The following MAP3K4 variants were observed in gnomAD, a reference collection of about 807,000 sequenced individuals.
The protein encoded by MAP3K4 is mitogen-activated protein kinase kinase kinase 4.
A neutral mutation model predicts 185.6 loss-of-function variants in MAP3K4; 67 were observed. The ratio of observed to expected loss-of-function variants is 0.36; its 90% CI spans 0.30 to 0.44. MAP3K4 has a LOEUF of 0.44. Among genes scored for constraint, MAP3K4 ranks in the 20% least tolerant of loss-of-function variants. The pLI, the probability that MAP3K4 is intolerant of heterozygous loss-of-function variation, is 1.00. For missense variants in MAP3K4, 1,551 were observed against 1,995.1 expected, an observed-to-expected ratio of 0.78 and a Z score of 4.24; for synonymous variants, 702 against 710.4, an observed-to-expected ratio of 0.99 and a Z score of 0.19.
intron 6 of MAP3K4, among the ~76,000 whole-genome samples, chr6:161,081,413 C>A (rs117189174): frequency 6.6e-6 from 1 of 152,038 alleles, no homozygotes; most frequent in African/African-American, 2.4e-5. Flanking sequence ...ACTCTTTTTC[C>A]CCCTAATAAA....
At chr6:161,083,664 C>A (rs1785563455) in intron 6 of MAP3K4, among the ~76,000 whole-genome samples, 2 of 152,114 alleles carry the variant, frequency 1.3e-5, no homozygotes, top group African/African-American at 4.8e-5. Context: ...GCTTTTTAAT[C>A]ATATTTATTG....
At chr6:161,092,273 G>GT (rs1027532965) in intron 13 of MAP3K4, 130 bp downstream of exon 13, 549 of 1,007,406 alleles carry the variant, frequency 5.4e-4, no homozygotes, top group Non-Finnish European at 6.3e-4. Context: ...CGGTGATCAG[G>GT]TTTTTTTTAA....
intron 11 of MAP3K4, among the ~76,000 whole-genome samples, chr6:161,090,164 G>A (rs762912588): frequency 1.3e-5 from 2 of 152,148 alleles, no homozygotes; most frequent in Admixed American, 6.5e-5. Flanking sequence ...TGATTTGTCT[G>A]ATTTATCTAT....
intron 3 of MAP3K4, among the ~76,000 whole-genome samples, chr6:161,068,854 TGAA>T (rs1220110127): frequency 5.3e-5 from 8 of 152,190 alleles, no homozygotes; most frequent in Admixed American, 1.3e-4. Context: ...GGAATCATCT[TGAA>T]GAAGATAATA....
Position 161,108,858 on chromosome 6 carries a change from G to C in MAP3K4, c.4235G>C (p.Arg1412Thr), listed in dbSNP as rs1463459436. The C allele has an allele frequency of 6.2e-7, 1 of 1,611,784 alleles. No individual in the cohort carries two copies. Among genetic ancestry groups the C allele is most frequent in the Non-Finnish European group, 8.5e-7 (1 of 1,177,972 alleles). Reference protein sequence around the residue: ...LVRYFGVELHREEMYIFMEYC... With the variant: ...LVRYFGVELHTEEMYIFMEYC... ...CGGTATTTTGGTGTGGAGCTCCATAGAGTAAGCCGACCCTAATGCCACTCT... is the reference window on the plus strand; with the variant it reads ...CGGTATTTTGGTGTGGAGCTCCATACAGTAAGCCGACCCTAATGCCACTCT... The change falls in exon 22 of 27, where the codon AGA (arginine) becomes ACA (threonine). Residue 1412 changes from arginine (R) to threonine (T), a missense_variant and splice_region_variant. Arg to Thr is a moderately conservative substitution (Grantham distance 71). This residue lies in a region of MAP3K4 where 159 missense variants were observed against 300.5 expected (regional missense o/e 0.53). Coordinates refer to ENST00000392142, the MANE Select transcript of MAP3K4 (RefSeq NM_005922.4). The surrounding 1 kb of genome is among the most constrained non-coding windows in gnomAD (Gnocchi z 5.7).
rs376419999 is a variant in MAP3K4, at chr6:161,106,729, G to T, written c.4048+24G>T. 1 of 1,573,818 alleles carries T rather than the reference G, an allele frequency of 6.4e-7. No homozygotes were observed. Among genetic ancestry groups the T allele is most frequent in the African/African-American group, 1.4e-5 (1 of 73,956 alleles). On this transcript the variant is annotated intron_variant, in intron 20 of 26. Transcript: ENST00000392142. The surrounding 1 kb of genome is among the most constrained non-coding windows in gnomAD (Gnocchi z 4.9). ...TGGTAAGGAAATTAAGGAGCATGAT[G>T]TCAAGATAGTCCCTGTTAGAAGTAG...
intron 1 of MAP3K4, among the ~76,000 whole-genome samples, chr6:161,010,966 AACTGT>A (rs748069442): frequency 1.1e-4 from 16 of 152,196 alleles, no homozygotes; most frequent in Admixed American, 2.0e-4. Context: ...CTGAAGAAAG[AACTGT>A]ACCACCTCTG....
At chr6:161,039,494 G>T (rs554313452) in intron 2 of MAP3K4, among the ~76,000 whole-genome samples, 124 of 152,168 alleles carry the variant, frequency 8.1e-4, no homozygotes, top group African/African-American at 2.8e-3. Context: ...TCATGTATTT[G>T]TTTTTTATAA....
rs1778259333 is a variant in MAP3K4 at position 161,109,662 on chromosome 6, T to C, written c.4237-93T>C. ...GTATACCGTTAGAAAGAACATTCCT[T>C]TGGGGTGTGGCCTAGGAAGTTTTCC... On this transcript the variant is annotated intron_variant, in intron 22 of 26. Transcript: ENST00000392142. This position sits in a 1 kb window ranked among gnomAD's most constrained non-coding sequence, Gnocchi z 5.7. 1 of 1,242,748 alleles carries C rather than the reference T, an allele frequency of 8.0e-7. No homozygotes were observed. Among genetic ancestry groups the C allele is most frequent in the Non-Finnish European group, 1.2e-6 (1 of 858,300 alleles). The allele number at this position is 1,242,748 out of a possible 1,614,324, so 77.0% of individuals were successfully genotyped here. A position where few individuals can be genotyped will look rare whatever the true frequency, so the allele number is the denominator to read the frequency against.
rs1410051827 is a variant in MAP3K4, at chr6:161,076,423, CT to C, written c.2097+2814del. Among the ~76,000 whole-genome samples the C allele has an allele frequency of 6.6e-6, 1 of 152,162 alleles. No homozygotes were observed. Among genetic ancestry groups the C allele is most frequent in the African/African-American group, 2.4e-5 (1 of 41,438 alleles). ...TGCAGAAATTCTGTGACCTTGGGGG[CT>C]TTACTCTGCGTTAGGACATCCACTG... On this transcript the variant is annotated intron_variant, in intron 5 of 26. Transcript: ENST00000392142. The surrounding 1 kb of genome is among the most constrained non-coding windows in gnomAD (Gnocchi z 4.2).
In MAP3K4 at chr6:161,069,672, C is replaced by T. The variant is rs769367282; in HGVS notation, c.1708-936C>T. On this transcript the variant is annotated intron_variant, in intron 3 of 26. Coordinates refer to ENST00000392142, the MANE Select transcript of MAP3K4 (RefSeq NM_005922.4). The stretch of plus-strand genomic sequence containing the variant: ...CTGTAATCAGTGCCAGGCGTGGGGA[C>T]GGTCCTTTTAGTATAGTGGTAAGGA... 5.3e-5 allele frequency among the ~76,000 whole-genome samples: 8 copies of T among 152,092 alleles called. No individual in the cohort carries two copies. In the South Asian group the frequency reaches 6.2e-4, roughly 12 times the overall value.
At chr6:161,047,149 T>A (rs1783768189) in intron 2 of MAP3K4, among the ~76,000 whole-genome samples, 1 of 143,548 alleles carries the variant, frequency 7.0e-6, no homozygotes, top group Non-Finnish European at 1.5e-5. Flanking sequence ...TATATATGTT[T>A]AAAAAAATGG....
Position 161,108,955 on chromosome 6 carries a change from C to T in MAP3K4, c.4236+96C>T, listed in dbSNP as rs754584993. Reference sequence around the variant, plus strand: ...TCACAGGTCTTCTCATTTCAGAGCACAGTAACTTTGCCTAATTCTCAGGAA... The same window carrying T: ...TCACAGGTCTTCTCATTTCAGAGCATAGTAACTTTGCCTAATTCTCAGGAA... On this transcript the variant is annotated intron_variant, in intron 22 of 26. Transcript: ENST00000392142. This position sits in a 1 kb window ranked among gnomAD's most constrained non-coding sequence, Gnocchi z 5.7. The T allele has an allele frequency of 2.5e-6, 4 of 1,610,998 alleles. No homozygotes were observed. In the South Asian group the frequency reaches 4.4e-5, roughly 18 times the overall value.
At chr6:161,033,739 G>A (rs1384768720) in intron 1 of MAP3K4, among the ~76,000 whole-genome samples, 1 of 152,132 alleles carries the variant, frequency 6.6e-6, no homozygotes, top group East Asian at 1.9e-4. Context: ...GGTACTTCGT[G>A]CTTTGCTGTG....
intron 1 of MAP3K4, among the ~76,000 whole-genome samples, chr6:161,016,414 C>T (rs1782115641): frequency 6.6e-6 from 1 of 152,130 alleles, no homozygotes; most frequent in African/African-American, 2.4e-5. Context: ...ATATCTAAGA[C>T]CTCATTGACA....
chr6:161,009,168 AG>A (rs1445175852), intron 1 of MAP3K4, among the ~76,000 whole-genome samples: 2 of 151,972 alleles, frequency 1.3e-5, no homozygotes, highest in African/African-American at 4.8e-5. Flanking sequence ...TATTTTTAGT[AG>A]AGACGGGGTT....
rs1288280271 is a variant in MAP3K4, at chr6:161,043,985, A to G, written c.344-4631A>G. 6.6e-6 allele frequency among the ~76,000 whole-genome samples: 1 copy of G among 152,266 alleles called. No homozygotes were observed. Among genetic ancestry groups the G allele is most frequent in the Non-Finnish European group, 1.5e-5 (1 of 68,042 alleles). The stretch of plus-strand genomic sequence containing the variant: ...ATTCTAAAGAGCCATTTTTAGTTGT[A>G]GATGGTGGGAATTCATTTGTTTGTC... On this transcript the variant is annotated intron_variant, in intron 2 of 26. Coordinates refer to ENST00000392142, the MANE Select transcript of MAP3K4 (RefSeq NM_005922.4). The surrounding 1 kb of genome is among the most constrained non-coding windows in gnomAD (Gnocchi z 4.3).
Position 161,088,064 on chromosome 6 carries a change from A to G in MAP3K4, c.2823+110A>G, listed in dbSNP as rs1196196710. On this transcript the variant is annotated intron_variant, in intron 10 of 26. Coordinates refer to ENST00000392142, the MANE Select transcript of MAP3K4 (RefSeq NM_005922.4). The surrounding 1 kb of genome is among the most constrained non-coding windows in gnomAD (Gnocchi z 4.5). Reference sequence around the variant, plus strand: ...TTTGACTACCCTAGTAATCACAAGTATATACTTCCCAAAAATATGCCTCAA... The same window carrying G: ...TTTGACTACCCTAGTAATCACAAGTGTATACTTCCCAAAAATATGCCTCAA... The G allele has an allele frequency of 1.7e-5, 19 of 1,120,394 alleles. No homozygotes were observed. Among genetic ancestry groups the G allele is most frequent in the Non-Finnish European group, 2.2e-5 (18 of 806,430 alleles). The allele number at this position is 1,120,394 out of a possible 1,614,324, so 69.4% of individuals were successfully genotyped here.
At chr6:161,016,870 T>C (rs1253305857) in intron 1 of MAP3K4, among the ~76,000 whole-genome samples, 1 of 152,222 alleles carries the variant, frequency 6.6e-6, no homozygotes, top group African/African-American at 2.4e-5. Context: ...AATAGCTTTT[T>C]GTAAATATTT....
Sources: allele counts gnomAD v4.1 joint callset (sites outside exome capture counted in the v4.1 genomes callset), GRCh38; gene constraint gnomAD v4.1.1; regional missense constraint gnomAD v4.1.1; non-coding constraint Gnocchi (gnomAD v3.1); transcripts MANE v1.5; gene names NCBI Gene and HGNC (gene_info 2026-07-23, HGNC 2026-07-21).